Variants in RNF150 observed in about 807,000 individuals in gnomAD.
The protein encoded by RNF150 is ring finger protein 150.
A neutral mutation model predicts 39.3 loss-of-function variants in RNF150; 24 were observed. That is an observed-to-expected ratio of 0.61 (90% CI 0.44 to 0.86). The LOEUF (loss-of-function observed/expected upper bound fraction) is 0.86, where lower values mean the gene tolerates loss of function less well. RNF150 is among the 40% of genes least tolerant of loss of function. The pLI is 0.00. For synonymous variants in RNF150, 255 were observed against 227.3 expected (o/e 1.12, Z -1.10); for missense variants, 502 against 587.8 (o/e 0.85, Z 1.51).
At chr4:141,071,682 T>C (rs776588778) in intron 1 of RNF150, among the ~76,000 whole-genome samples, 11 of 152,172 alleles carry the variant, frequency 7.2e-5, no homozygotes, top group Non-Finnish European at 1.2e-4. Context: ...AAAGGACATA[T>C]GTTAAGAGGC....
intron 6 of RNF150, among the ~76,000 whole-genome samples, chr4:140,903,626 T>A (rs547074556): frequency 2.0e-5 from 3 of 152,202 alleles, no homozygotes; most frequent in Admixed American, 6.5e-5. Flanking sequence ...TTTGCCCGGC[T>A]TATGCTGGTA....
chr4:141,169,751 G>A (rs773547365), intron 1 of RNF150, among the ~76,000 whole-genome samples: 1 of 151,500 alleles, frequency 6.6e-6, no homozygotes, highest in Non-Finnish European at 1.5e-5. Context: ...TTGTTTTGTT[G>A]TAATATTTGC....
intron 2 of RNF150, among the ~76,000 whole-genome samples, chr4:140,956,489 T>C (rs1013722180): frequency 6.6e-6 from 1 of 152,106 alleles, no homozygotes; most frequent in Non-Finnish European, 1.5e-5. Flanking sequence ...GGTCATTAGA[T>C]AGGCAGAATG....
chr4:140,944,533 C>T (rs1333892353), intron 4 of RNF150: 1 of 151,972 alleles, frequency 6.6e-6, no homozygotes, highest in Non-Finnish European at 1.5e-5. Flanking sequence ...ATCACTACAA[C>T]AAATAAAGAG....
At chr4:140,901,331 A>G (rs892274852) in intron 6 of RNF150, among the ~76,000 whole-genome samples, 15 of 151,872 alleles carry the variant, frequency 9.9e-5, no homozygotes, top group African/African-American at 3.6e-4. Context: ...CCATTTCTAC[A>G]AGGCATTAGT....
intron 2 of RNF150, among the ~76,000 whole-genome samples, chr4:140,949,683 C>CA (rs11298622): frequency 4.7e-5 from 7 of 148,310 alleles, no homozygotes; most frequent in African/African-American, 1.3e-4. Context: ...TACCCCCCCC[C>CA]AAAAAAAAAT....
At chr4:141,148,251 T>C (rs1727235427) in intron 1 of RNF150, among the ~76,000 whole-genome samples, 1 of 152,190 alleles carries the variant, frequency 6.6e-6, no homozygotes, top group Non-Finnish European at 1.5e-5. Context: ...AGATTGAGCA[T>C]GAGCAAAGTT....
chr4:140,952,547 G>C (rs2321688), intron 2 of RNF150, among the ~76,000 whole-genome samples: 144,773 of 152,286 alleles, frequency 0.95, 69,023 homozygotes, highest in Non-Finnish European at 0.97. Context: ...GAGAAAAAAC[G>C]CTTTCCACGC....
rs549217748 is a variant in RNF150, at chr4:141,161,247, A to T, written c.-6+51547T>A. Among the ~76,000 whole-genome samples, 140 of 152,298 alleles carry T rather than the reference A, an allele frequency of 9.2e-4. 1 individual carries two copies. The highest frequency in any genetic ancestry group is 3.3e-3 in the African/African-American group (136 of 41,580). ...TGCTTTAGCAAAAACCCCTGTTTTGACTGTACCCCTGCCCTAGGGATCTGT... is the reference window on the plus strand; with the variant it reads ...TGCTTTAGCAAAAACCCCTGTTTTGTCTGTACCCCTGCCCTAGGGATCTGT... On this transcript the variant is annotated intron_variant, in intron 1 of 7. Coordinates refer to the RNF150 transcript ENST00000420921.
intron 1 of RNF150, among the ~76,000 whole-genome samples, chr4:140,974,241 A>G (rs1733575304): frequency 3.3e-5 from 5 of 152,142 alleles, no homozygotes; most frequent in Admixed American, 3.3e-4. Flanking sequence ...CAGTTTTAGA[A>G]TGTTACATAA....
chr4:141,174,886 G>T (rs1166269529), intron 1 of RNF150, among the ~76,000 whole-genome samples: 1 of 106,876 alleles, frequency 9.4e-6, no homozygotes, highest in East Asian at 2.3e-4. Context: ...TCCTGTATCA[G>T]GAAAAAAAAA....
intron 1 of RNF150, among the ~76,000 whole-genome samples, chr4:141,050,335 C>T (rs555364538): frequency 2.6e-5 from 4 of 152,198 alleles, no homozygotes; most frequent in Non-Finnish European, 5.9e-5. Flanking sequence ...TGGCCCCTCC[C>T]AAATCTCATG....
rs2111304885 is a variant in RNF150, at chr4:140,920,848, T to C, written c.987+5129A>G. On this transcript the variant is annotated intron_variant, in intron 5 of 6. Coordinates refer to ENST00000515673, the MANE Select transcript of RNF150 (RefSeq NM_020724.2). ...GTGGCACATATACACCATGGAATAC[T>C]ATGCAGCCGTAAAAAATGATGAGTT... Among the ~76,000 whole-genome samples, 2 of 151,094 alleles carry C rather than the reference T, an allele frequency of 1.3e-5. 1 individual carries two copies. Among genetic ancestry groups the C allele is most frequent in the South Asian group, 4.2e-4 (2 of 4,736 alleles).
chr4:141,044,586 A>G (rs1297365538), intron 1 of RNF150, among the ~76,000 whole-genome samples: 1 of 152,230 alleles, frequency 6.6e-6, no homozygotes, highest in African/African-American at 2.4e-5. Context: ...TGGCAGGAAA[A>G]AACCTTGTCT....
rs149320660 is a variant in RNF150 at position 141,159,154 on chromosome 4, A to G, written c.-6+53640T>C. Among the ~76,000 whole-genome samples, 250 of 152,316 alleles carry G rather than the reference A, an allele frequency of 1.6e-3. 2 individuals are homozygous for G. The highest frequency in any genetic ancestry group is 5.9e-3 in the African/African-American group (244 of 41,580). ...ACAAGCTGTTTCCAAATTTTTGACCAGAGGTCAGTAAACTTTCTCTGTAAA... is the reference window on the plus strand; with the variant it reads ...ACAAGCTGTTTCCAAATTTTTGACCGGAGGTCAGTAAACTTTCTCTGTAAA... On this transcript the variant is annotated intron_variant, in intron 1 of 7. Coordinates refer to the RNF150 transcript ENST00000420921.
intron 1 of RNF150, among the ~76,000 whole-genome samples, chr4:141,090,849 T>C (rs748967982): frequency 6.6e-6 from 1 of 152,182 alleles, no homozygotes; most frequent in South Asian, 2.1e-4. Flanking sequence ...TGGATTTCTA[T>C]GTAACATCTC....
At chr4:141,201,790 A>G (rs1274755708) in intron 1 of RNF150, among the ~76,000 whole-genome samples, 2 of 152,128 alleles carry the variant, frequency 1.3e-5, no homozygotes, top group Non-Finnish European at 2.9e-5. Context: ...GAAAATGGCT[A>G]CCAACAAACA....
intron 1 of RNF150, among the ~76,000 whole-genome samples, chr4:140,983,399 T>C (rs1034808942): frequency 2.6e-5 from 4 of 152,318 alleles, no homozygotes; most frequent in East Asian, 1.9e-4. Context: ...CTTTCTGTAC[T>C]ATAGATAAGC....
At chr4:141,129,938 A>T (rs1256806167) in intron 1 of RNF150, among the ~76,000 whole-genome samples, 1 of 152,244 alleles carries the variant, frequency 6.6e-6, no homozygotes, top group Non-Finnish European at 1.5e-5. Flanking sequence ...TGATAGATAT[A>T]TCATCAGCTT....
Sources: allele counts gnomAD v4.1 joint callset (sites outside exome capture counted in the v4.1 genomes callset), GRCh38; gene constraint gnomAD v4.1.1; transcripts MANE v1.5; gene names NCBI Gene and HGNC (gene_info 2026-07-23, HGNC 2026-07-21).